Variants in GALNT18 observed in about 807,000 individuals in gnomAD.
GALNT18 encodes GalNAc-transferase 18.
In GALNT18, 44 loss-of-function variants were observed where a neutral mutation model predicts 69.5. That is an observed-to-expected ratio of 0.63 (90% CI 0.50 to 0.81). The LOEUF (loss-of-function observed/expected upper bound fraction) is 0.81, where lower values mean the gene tolerates loss of function less well. GALNT18 is among the 40% of genes least tolerant of loss of function. The probability of loss-of-function intolerance (pLI) is 0.00; values close to 1 mark genes in which losing one functional copy is unlikely to be tolerated. For missense variants in GALNT18, 715 were observed against 810.0 expected (o/e 0.88, Z 1.42); for synonymous variants, 364 against 318.2 (o/e 1.14, Z -1.53).
intron 1 of GALNT18, chr11:11,476,528 C>A (rs1039794493): frequency 6.6e-6 from 1 of 152,156 alleles, no homozygotes; most frequent in Non-Finnish European, 1.5e-5. Flanking sequence ...TTTATTGACT[C>A]ATAAAGCATT....
chr11:11,505,283 TATGA>T lies in GALNT18; in HGVS notation c.236-56351_236-56348del, dbSNP rs947072136. Among the ~76,000 whole-genome samples, 7 of 152,196 alleles carry T rather than the reference TATGA, an allele frequency of 4.6e-5. No individual in the cohort carries two copies. The highest frequency in any genetic ancestry group is 1.7e-4 in the African/African-American group (7 of 41,438). ...TAGTCATGGATTGGTTGTGAGATAT[TATGA>T]ATATCAACCTTAAGTAAAAACAAGA... On this transcript the variant is annotated intron_variant, in intron 1 of 10. Transcript: ENST00000227756. This position sits in a 1 kb window ranked among gnomAD's most constrained non-coding sequence, Gnocchi z 4.6.
intron 9 of GALNT18, among the ~76,000 whole-genome samples, chr11:11,300,878 A>G (rs2133016625): frequency 6.6e-6 from 1 of 152,316 alleles, no homozygotes; most frequent in East Asian, 1.9e-4. Flanking sequence ...TCTAATGTGC[A>G]ACCAAGGTTG....
At position 11,562,353 on chromosome 11, in the gene GALNT18, T is replaced by C. The variant is rs1388266227; in HGVS notation, c.235+59006A>G. On this transcript the variant is annotated intron_variant, in intron 1 of 10. Transcript: ENST00000227756. This position sits in a 1 kb window ranked among gnomAD's most constrained non-coding sequence, Gnocchi z 4.1. ...TTTCCCCTTTAGATGTGCACACCCG[T>C]CATATTGGATTGGGGCCCACCCCAA... 2.0e-5 allele frequency among the ~76,000 whole-genome samples: 3 copies of C among 152,174 alleles called. No individual in the cohort carries two copies. Among genetic ancestry groups the C allele is most frequent in the African/African-American group, 7.2e-5 (3 of 41,424 alleles).
chr11:11,478,899 G>C (rs1163451981), intron 1 of GALNT18, among the ~76,000 whole-genome samples: 1 of 152,030 alleles, frequency 6.6e-6, no homozygotes, highest in African/African-American at 2.4e-5. Context: ...CTGGCTGTCT[G>C]TCTCTTGCGG....
Position 11,356,163 on chromosome 11 carries a change from C to T in GALNT18, c.1093-15159G>A, listed in dbSNP as rs773055893. ...TTGTATTTGGAGATGCCCCTGACCC[C>T]TCCTTCTGCAACTTCAGATTTATGA... On this transcript the variant is annotated intron_variant, in intron 6 of 10. Coordinates refer to ENST00000227756, the MANE Select transcript of GALNT18 (RefSeq NM_198516.3). The surrounding 1 kb of genome is among the most constrained non-coding windows in gnomAD (Gnocchi z 4.4). Among the ~76,000 whole-genome samples the T allele has an allele frequency of 2.6e-5, 4 of 152,216 alleles. No individual in the cohort carries two copies. Among genetic ancestry groups the T allele is most frequent in the Non-Finnish European group, 5.9e-5 (4 of 68,038 alleles).
In GALNT18 at chr11:11,424,847, C is replaced by T. The variant is rs731226; in HGVS notation, c.595+7774G>A. Among the ~76,000 whole-genome samples, 850 of 152,160 alleles carry T rather than the reference C, an allele frequency of 5.6e-3. 10 individuals carry two copies. The highest frequency in any genetic ancestry group is 0.02 in the African/African-American group (825 of 41,520). On this transcript the variant is annotated intron_variant, in intron 3 of 10. Transcript: ENST00000227756. The stretch of plus-strand genomic sequence containing the variant: ...GAGCTAAGCAAAGTGGGTGGGGTAG[C>T]GGAGGACATTCATTCCCAGCAAAGG...
In GALNT18 at chr11:11,543,677, C is replaced by G. The variant is rs553796944; in HGVS notation, c.235+77682G>C. On this transcript the variant is annotated intron_variant, in intron 1 of 10. Coordinates refer to ENST00000227756, the MANE Select transcript of GALNT18 (RefSeq NM_198516.3). The surrounding 1 kb of genome is among the most constrained non-coding windows in gnomAD (Gnocchi z 5.1). Reference sequence around the variant, plus strand: ...CCCCTCGCCACCCACTGACCTGATGCGAATCCCATCCATCCCTAGGACCTA... The same window carrying G: ...CCCCTCGCCACCCACTGACCTGATGGGAATCCCATCCATCCCTAGGACCTA... Among the ~76,000 whole-genome samples, 1 of 152,288 alleles carries G rather than the reference C, an allele frequency of 6.6e-6. No individual in the cohort carries two copies. Among genetic ancestry groups the G allele is most frequent in the South Asian group, 2.1e-4 (1 of 4,812 alleles).
chr11:11,416,703 C>T (rs564534423), intron 3 of GALNT18, among the ~76,000 whole-genome samples: 1 of 152,202 alleles, frequency 6.6e-6, no homozygotes, highest in Non-Finnish European at 1.5e-5. Flanking sequence ...CGCCACCACA[C>T]CAACCACAGC....
chr11:11,293,682 C>T (rs1849348155), intron 9 of GALNT18, among the ~76,000 whole-genome samples: 1 of 151,954 alleles, frequency 6.6e-6, no homozygotes, highest in South Asian at 2.1e-4. Context: ...GCTGGGATTA[C>T]AGATGCGCAC....
chr11:11,570,842 A>G (rs55916244), intron 1 of GALNT18, among the ~76,000 whole-genome samples: 41,125 of 152,162 alleles, frequency 0.27, 5,911 homozygotes, highest in Admixed American at 0.41. Flanking sequence ...AATGGAATGA[A>G]CAGGTAATTT....
intron 1 of GALNT18, among the ~76,000 whole-genome samples, chr11:11,520,548 C>T (rs1039978590): frequency 1.6e-4 from 24 of 152,162 alleles, no homozygotes; most frequent in African/African-American, 5.6e-4. Context: ...GCCTGTGTGG[C>T]GTGCAAGGGG....
chr11:11,600,955 A>G lies in GALNT18; in HGVS notation c.235+20404T>C, dbSNP rs1162666374. Among the ~76,000 whole-genome samples, 2 of 151,534 alleles carry G rather than the reference A, an allele frequency of 1.3e-5. No homozygotes were observed. The highest frequency in any genetic ancestry group is 3.8e-4 in the East Asian group (2 of 5,196). On this transcript the variant is annotated intron_variant, in intron 1 of 10. Transcript: ENST00000227756. The surrounding 1 kb of genome is among the most constrained non-coding windows in gnomAD (Gnocchi z 4.8). ...CAGTGATTTTTTCTTTTCATTTCTT[A>G]AACATTTCAAGTCCCAAATTTCCAC...
chr11:11,472,066 G>T (rs1856285779), intron 1 of GALNT18, among the ~76,000 whole-genome samples: 1 of 152,226 alleles, frequency 6.6e-6, no homozygotes, highest in Non-Finnish European at 1.5e-5. Context: ...AGATAAGTAG[G>T]TTTCTTTGGA....
At chr11:11,545,050 G>A (rs1858016847) in intron 1 of GALNT18, among the ~76,000 whole-genome samples, 1 of 152,168 alleles carries the variant, frequency 6.6e-6, no homozygotes, top group Non-Finnish European at 1.5e-5. Flanking sequence ...TTCCATTGCT[G>A]TGCTATCTTT....
chr11:11,393,810 C>T (rs1425413774), intron 3 of GALNT18, among the ~76,000 whole-genome samples: 4 of 152,234 alleles, frequency 2.6e-5, no homozygotes, highest in African/African-American at 9.6e-5. Context: ...CAGGAACATA[C>T]ATCGTCATAG....
intron 3 of GALNT18, among the ~76,000 whole-genome samples, chr11:11,393,094 C>A (rs1361597281): frequency 2.0e-5 from 3 of 152,178 alleles, no homozygotes; most frequent in African/African-American, 4.8e-5. Context: ...AGTCCAGCAG[C>A]GAAGTGGGTG....
intron 1 of GALNT18, among the ~76,000 whole-genome samples, chr11:11,484,593 C>CAAAAA (rs1159968814): frequency 1.2e-5 from 1 of 83,052 alleles, no homozygotes; most frequent in Non-Finnish European, 2.2e-5. Flanking sequence ...AACTCCATCT[C>CAAAAA]AAAAAAAAAA....
Position 11,340,762 on chromosome 11 carries a change from T to G in GALNT18, c.1278+57A>C. ...GGAAGAAGGGTTCGGTCCCATATCT[T>G]GTTTTGTTTGTTTTCCACCAATCCC... is the stretch of plus-strand genomic sequence containing the variant. On this transcript the variant is annotated intron_variant, in intron 7 of 10. Transcript: ENST00000227756. This position sits in a 1 kb window ranked among gnomAD's most constrained non-coding sequence, Gnocchi z 4.2. 1 of 1,509,796 alleles carries G rather than the reference T, an allele frequency of 6.6e-7. No homozygotes were observed. Among genetic ancestry groups the G allele is most frequent in the Non-Finnish European group, 9.0e-7 (1 of 1,111,996 alleles). 93.5% of individuals were successfully genotyped at this position (1,509,796 alleles called of 1,614,324 possible).
chr11:11,553,692 C>A (rs990210544), intron 1 of GALNT18, among the ~76,000 whole-genome samples: 1 of 151,964 alleles, frequency 6.6e-6, no homozygotes, highest in Non-Finnish European at 1.5e-5. Context: ...CCCCCCAGCA[C>A]CCCCACAATT....
Sources: allele counts gnomAD v4.1 joint callset (sites outside exome capture counted in the v4.1 genomes callset), GRCh38; gene constraint gnomAD v4.1.1; non-coding constraint Gnocchi (gnomAD v3.1); transcripts MANE v1.5; gene names NCBI Gene and HGNC (gene_info 2026-07-23, HGNC 2026-07-21).